KCNH5: variants seen among roughly 807,000 people sequenced by gnomAD.
KCNH5 encodes voltage-gated delayed rectifier potassium channel KCNH5.
A neutral mutation model predicts 96.1 loss-of-function variants in KCNH5; 46 were observed. The observed-to-expected ratio is 0.48, with a 90% confidence interval of 0.38 to 0.61. The LOEUF is 0.61. KCNH5 is among the 20% of genes least tolerant of loss of function. The probability of loss-of-function intolerance (pLI) is 0.00; values close to 1 mark genes in which losing one functional copy is unlikely to be tolerated. For missense variants in KCNH5, 907 were observed against 1,225.8 expected (o/e 0.74, Z 3.88); for synonymous variants, 439 against 449.8 (o/e 0.98, Z 0.30).
intron 8 of KCNH5, 74 bp downstream of exon 8, chr14:62,849,579 G>A (rs985796357): frequency 2.1e-5 from 25 of 1,183,888 alleles, no homozygotes; most frequent in African/African-American, 1.5e-4. Flanking sequence ...CAAGCAATAC[G>A]TGACTGGAAA....
chr14:62,834,401 T>C lies in KCNH5; in HGVS notation c.1569+15252A>G, dbSNP rs571349409. ...ACTTACCAAACACTAATCTAGGCAA[T>C]AATTATTCAGCAGTGAACAAAAGAT... is the stretch of plus-strand genomic sequence containing the variant. On this transcript the variant is annotated intron_variant, in intron 8 of 10. Coordinates refer to ENST00000322893, the MANE Select transcript of KCNH5 (RefSeq NM_139318.5). 2.0e-5 allele frequency among the ~76,000 whole-genome samples: 3 copies of C among 152,128 alleles called. No individual in the cohort carries two copies. The South Asian group carries it at 6.2e-4, about 32-fold the overall frequency.
chr14:63,040,381 CAG>C (rs1225819284), intron 1 of KCNH5, among the ~76,000 whole-genome samples: 2 of 152,032 alleles, frequency 1.3e-5, no homozygotes, highest in African/African-American at 4.8e-5. Context: ...TTATATAACA[CAG>C]TGTGGGAATC....
chr14:62,870,881 G>A (rs372840366), intron 7 of KCNH5, among the ~76,000 whole-genome samples: 6 of 152,236 alleles, frequency 3.9e-5, no homozygotes, highest in South Asian at 2.1e-4. Context: ...AGGTCAAACC[G>A]CTAGTAAGTT....
intron 4 of KCNH5, among the ~76,000 whole-genome samples, chr14:62,990,344 G>A (rs1890786685): frequency 6.6e-6 from 1 of 152,012 alleles, no homozygotes; most frequent in Non-Finnish European, 1.5e-5. Context: ...GGAGGAAGCA[G>A]TTGTTCCTAA....
chr14:62,890,567 C>A (rs1356889210), intron 7 of KCNH5, among the ~76,000 whole-genome samples: 1 of 151,506 alleles, frequency 6.6e-6, no homozygotes, highest in East Asian at 1.9e-4. Flanking sequence ...GGCGTGGTGG[C>A]AGGCGCCTGT....
chr14:62,860,129 C>G (rs767877437), intron 7 of KCNH5, among the ~76,000 whole-genome samples: 37 of 152,160 alleles, frequency 2.4e-4, no homozygotes, highest in Non-Finnish European at 5.0e-4. Flanking sequence ...CTTGATTACC[C>G]ATAGTCAAAT....
At chr14:62,950,718 A>G (rs1889988232) in intron 6 of KCNH5, among the ~76,000 whole-genome samples, 159 bp from the exon 7 acceptor site, 1 of 152,150 alleles carries the variant, frequency 6.6e-6, no homozygotes, top group African/African-American at 2.4e-5. Context: ...AAAAAAGTCA[A>G]AATGATAAAC....
chr14:62,942,509 T>G (rs1470559032), intron 7 of KCNH5, among the ~76,000 whole-genome samples: 1 of 152,156 alleles, frequency 6.6e-6, no homozygotes, highest in Non-Finnish European at 1.5e-5. Flanking sequence ...CTCATCAACA[T>G]GAGAATACAG....
intron 7 of KCNH5, among the ~76,000 whole-genome samples, chr14:62,884,232 A>G (rs1888550122): frequency 6.6e-6 from 1 of 152,222 alleles, no homozygotes; most frequent in South Asian, 2.1e-4. Context: ...CTCAGTATGG[A>G]TATAGCCCAT....
At chr14:62,763,274 C>A (rs1054867405) in intron 10 of KCNH5, among the ~76,000 whole-genome samples, 2 of 152,026 alleles carry the variant, frequency 1.3e-5, no homozygotes, top group Admixed American at 6.5e-5. Context: ...GGAAATTAAA[C>A]AACCTGCTCC....
At chr14:62,733,133 C>G (rs1468112757) in intron 10 of KCNH5, among the ~76,000 whole-genome samples, 1 of 152,134 alleles carries the variant, frequency 6.6e-6, no homozygotes, top group Non-Finnish European at 1.5e-5. Flanking sequence ...GCAGAATCTG[C>G]TGCTTCTTTC....
intron 4 of KCNH5, among the ~76,000 whole-genome samples, chr14:62,997,654 T>G (rs1469046103): frequency 6.6e-6 from 1 of 151,892 alleles, no homozygotes; most frequent in Non-Finnish European, 1.5e-5. Context: ...AAATATTGGT[T>G]TGGAAGGCCG....
chr14:62,802,205 T>C, intron 9 of KCNH5, 124 bp downstream of exon 9: 3 of 859,084 alleles, frequency 3.5e-6, no homozygotes, highest in Non-Finnish European at 5.5e-6. Flanking sequence ...AAGATTCACG[T>C]CTCATTAGTG....
At chr14:62,805,750 A>G (rs1886753988) in intron 8 of KCNH5, among the ~76,000 whole-genome samples, 1 of 152,186 alleles carries the variant, frequency 6.6e-6, no homozygotes, top group Admixed American at 6.6e-5. Flanking sequence ...TATATTTCAG[A>G]AGAAAATACT....
Position 63,040,832 on chromosome 14 carries a change from C to T in KCNH5, c.73+4282G>A, listed in dbSNP as rs1319966894. Among the ~76,000 whole-genome samples the T allele has an allele frequency of 5.3e-5, 8 of 152,050 alleles. No homozygotes were observed. In the South Asian group the frequency reaches 1.7e-3, roughly 31 times the overall value. The stretch of plus-strand genomic sequence containing the variant: ...AAGAGATAGCTGAGTAAAAAAAGTG[C>T]TTGTGCAACCAGCTATCTCAAGCAG... On this transcript the variant is annotated intron_variant, in intron 1 of 10. Transcript: ENST00000322893.
At chr14:62,771,417 G>C (rs1052869789) in intron 10 of KCNH5, among the ~76,000 whole-genome samples, 1 of 152,116 alleles carries the variant, frequency 6.6e-6, no homozygotes, top group Admixed American at 6.5e-5. Flanking sequence ...ACAAGGTCAG[G>C]AGATCAAGAC....
At position 62,865,333 on chromosome 14, in the gene KCNH5, T is replaced by A. The variant is rs367837004; in HGVS notation, c.1370-15481A>T. 9.3e-4 allele frequency among the ~76,000 whole-genome samples: 123 copies of A among 132,034 alleles called. 3 individuals carry two copies. The highest frequency in any genetic ancestry group is 8.8e-3 in the South Asian group (36 of 4,086). The allele number at this position is 132,034 out of a possible 152,430, so 86.6% of individuals were successfully genotyped here. A position where few individuals can be genotyped will look rare whatever the true frequency, so the allele number is the denominator to read the frequency against. ...TGGTGAATAAGGGTAAAATGCTATT[T>A]AAAAAAAAAAAAAAAAAAGCTTATT... On this transcript the variant is annotated intron_variant, in intron 7 of 10. Coordinates refer to ENST00000322893, the MANE Select transcript of KCNH5 (RefSeq NM_139318.5).
At chr14:62,910,942 C>CACACACACA (rs1555363114) in intron 7 of KCNH5, among the ~76,000 whole-genome samples, 33 of 63,570 alleles carry the variant, frequency 5.2e-4, no homozygotes, top group South Asian at 9.2e-4. Context: ...CACACACACA[C>CACACACACA]CCCTCTGTTG....
intron 7 of KCNH5, among the ~76,000 whole-genome samples, chr14:62,853,111 T>C (rs1887840677): frequency 6.6e-6 from 1 of 152,160 alleles, no homozygotes; most frequent in African/African-American, 2.4e-5. Flanking sequence ...CTCAAAGTTA[T>C]TCTTAAATCC....
Sources: gnomAD v4.1 joint callset for allele counts (sites outside exome capture counted in the v4.1 genomes callset) on GRCh38, gnomAD v4.1.1 for gene constraint, MANE v1.5 for transcripts, NCBI Gene and HGNC (gene_info 2026-07-23, HGNC 2026-07-21) for gene names.